The following TBL1X variants were observed in gnomAD, a reference collection of about 807,000 sequenced individuals.
TBL1X encodes transducin beta like 1 X-linked.
In TBL1X, 10 loss-of-function variants were observed where a neutral mutation model predicts 50.7. That is an observed-to-expected ratio of 0.20 (90% CI 0.12 to 0.33). The LOEUF is 0.33. TBL1X is among the 10% of genes least tolerant of loss of function. TBL1X has a pLI of 1.00. For missense variants in TBL1X, 340 were observed against 504.4 expected, an observed-to-expected ratio of 0.67 and a Z score of 3.12; for synonymous variants, 190 against 214.7, an observed-to-expected ratio of 0.88 and a Z score of 1.01.
chrX:9,594,864 G>C (rs2082519732), intron 2 of TBL1X, among the ~76,000 whole-genome samples: 1 of 111,741 alleles, frequency 8.9e-6, no homozygotes, highest in Non-Finnish European at 1.9e-5. Flanking sequence ...TTTCTCTCTT[G>C]AATTGTCGGT....
At chrX:9,490,092 A>C (rs1232294692) in intron 1 of TBL1X, among the ~76,000 whole-genome samples, 1 of 111,037 alleles carries the variant, frequency 9.0e-6, no homozygotes, top group East Asian at 2.8e-4. Flanking sequence ...CAGCCTCCCA[A>C]GTAGCTGGGA....
intron 2 of TBL1X, among the ~76,000 whole-genome samples, chrX:9,523,417 G>A (rs923739610): frequency 3.6e-5 from 4 of 111,445 alleles, no homozygotes; most frequent in Non-Finnish European, 7.6e-5. Flanking sequence ...CTGGGCCACC[G>A]TGGGCCAAGT....
Position 9,688,284 on chromosome X carries a change from A to G in TBL1X, c.616+9A>G. On this transcript the variant is annotated intron_variant, in intron 7 of 17. Coordinates refer to ENST00000645353, the MANE Select transcript of TBL1X (RefSeq NM_005647.4). Reference sequence around the variant, plus strand: ...CAGAGCACATTCAGTCAGTGAGTGCAGGGGCTCTGGGAGTTCGGTGGGCCT... The same window carrying G: ...CAGAGCACATTCAGTCAGTGAGTGCGGGGGCTCTGGGAGTTCGGTGGGCCT... 1 of 1,157,324 alleles carries G rather than the reference A, an allele frequency of 8.6e-7. No individual in the cohort carries two copies. The highest frequency in any genetic ancestry group is 2.0e-5 in the South Asian group (1 of 49,274).
At chrX:9,531,703 G>A (rs1351955939) in intron 2 of TBL1X, among the ~76,000 whole-genome samples, 3 of 109,121 alleles carry the variant, frequency 2.7e-5, no homozygotes, top group African/African-American at 1.0e-4. Flanking sequence ...CCAGGAGTTC[G>A]AGACCAGCCT....
chrX:9,676,363 C>T (rs369937677), intron 5 of TBL1X, among the ~76,000 whole-genome samples: 2 of 112,014 alleles, frequency 1.8e-5, no homozygotes, highest in African/African-American at 3.3e-5. Context: ...TGTCCTAGCC[C>T]GCCATTGCCC....
At chrX:9,700,900 C>G (rs1285474541) in intron 12 of TBL1X, among the ~76,000 whole-genome samples, 1 of 111,806 alleles carries the variant, frequency 8.9e-6, no homozygotes, top group Non-Finnish European at 1.9e-5. Flanking sequence ...AAGCCAGTCT[C>G]AGAAGGTTGC....
chrX:9,662,098 G>A (rs766274365), intron 5 of TBL1X, among the ~76,000 whole-genome samples: 19 of 111,479 alleles, frequency 1.7e-4, no homozygotes, highest in African/African-American at 6.2e-4. Context: ...GCTGTCAGTC[G>A]AGTGGGATTC....
At chrX:9,560,761 C>T (rs749110883) in intron 2 of TBL1X, among the ~76,000 whole-genome samples, 1 of 111,728 alleles carries the variant, frequency 9.0e-6, no homozygotes, top group African/African-American at 3.3e-5. Flanking sequence ...ATTGCGGGGC[C>T]ATTCATGAAG....
At chrX:9,527,519 T>C (rs1014165492) in intron 2 of TBL1X, among the ~76,000 whole-genome samples, 3 of 112,168 alleles carry the variant, frequency 2.7e-5, no homozygotes, top group Non-Finnish European at 5.6e-5. Flanking sequence ...ATTGGTGTCC[T>C]TGGGGTGGGG....
chrX:9,508,218 A>G (rs1005708117), intron 2 of TBL1X, among the ~76,000 whole-genome samples: 14 of 112,320 alleles, frequency 1.2e-4, no homozygotes, highest in Admixed American at 6.6e-4. Context: ...AATATCCAGA[A>G]TTTGCAAGGA....
At chrX:9,496,257 A>G (rs760743702) in intron 1 of TBL1X, among the ~76,000 whole-genome samples, 1 of 112,082 alleles carries the variant, frequency 8.9e-6, no homozygotes, top group East Asian at 2.8e-4. Flanking sequence ...TCCACACCAC[A>G]ATGCATAACT....
intron 2 of TBL1X, among the ~76,000 whole-genome samples, chrX:9,611,415 G>C (rs748771837): frequency 1.8e-5 from 2 of 112,390 alleles, no homozygotes; most frequent in South Asian, 7.4e-4. Flanking sequence ...ACGTGGCCAT[G>C]ATATTCCACT....
rs111882313 is a variant in TBL1X, at chrX:9,604,653, A to G, written c.-130-35620A>G. Among the ~76,000 whole-genome samples, 888 of 111,230 alleles carry G rather than the reference A, an allele frequency of 8.0e-3. 10 individuals are homozygous for G. The highest frequency in any genetic ancestry group is 0.027 in the African/African-American group (830 of 30,548). ...ACTGGGTGCGCGTGGGCTTCTCCAC[A>G]TGACAAGACGGGAATGCTGTGAAGG... On this transcript the variant is annotated intron_variant, in intron 2 of 17. Coordinates refer to ENST00000645353, the MANE Select transcript of TBL1X (RefSeq NM_005647.4).
chrX:9,510,299 C>T (rs780375877), intron 2 of TBL1X, among the ~76,000 whole-genome samples: 2 of 111,713 alleles, frequency 1.8e-5, no homozygotes, highest in Non-Finnish European at 3.8e-5. Context: ...GAAATTGTAT[C>T]CTGGGGTAAG....
At position 9,688,022 on chromosome X, in the gene TBL1X, C is replaced by T; in HGVS notation, c.363C>T (p.Gly121=). The part of the protein sequence containing the change: ...VEAEISINED[G]TVFDGRPIES... Reference sequence around the variant, plus strand: ...ACCTTGGCTTGCTTCCCCAGGATGGCACAGTGTTCGACGGCCGCCCCATAG... The same window carrying T: ...ACCTTGGCTTGCTTCCCCAGGATGGTACAGTGTTCGACGGCCGCCCCATAG... Residue 121 remains glycine (G), a synonymous_variant, in exon 7 of 18, where the codon GGC becomes GGT. Transcript: ENST00000645353. 4 of 1,204,402 alleles carry T rather than the reference C, an allele frequency of 3.3e-6. No homozygotes were observed. The highest frequency in any genetic ancestry group is 2.2e-6 in the Non-Finnish European group (2 of 891,451).
At chrX:9,540,116 G>T (rs1036391613) in intron 2 of TBL1X, among the ~76,000 whole-genome samples, 3 of 112,578 alleles carry the variant, frequency 2.7e-5, no homozygotes, top group African/African-American at 9.7e-5. Context: ...TGGGGACAGA[G>T]ATAATAGTAA....
At chrX:9,474,601 C>T (rs751666780) in intron 1 of TBL1X, among the ~76,000 whole-genome samples, 4 of 113,051 alleles carry the variant, frequency 3.5e-5, no homozygotes, top group African/African-American at 9.6e-5. Flanking sequence ...GCGCTTGTTT[C>T]GGAACTAGAT....
chrX:9,587,307 T>G (rs1329347773), intron 2 of TBL1X, among the ~76,000 whole-genome samples: 1 of 111,894 alleles, frequency 8.9e-6, no homozygotes, highest in Non-Finnish European at 1.9e-5. Flanking sequence ...GTGACTTCCA[T>G]GAAAACACCC....
chrX:9,496,874 T>C (rs911621490), intron 1 of TBL1X, among the ~76,000 whole-genome samples: 3 of 112,177 alleles, frequency 2.7e-5, no homozygotes, highest in Non-Finnish European at 5.6e-5. Context: ...TTTAAACTCA[T>C]GACCATGAGA....
Sources: gnomAD v4.1 joint callset for allele counts (sites outside exome capture counted in the v4.1 genomes callset) on GRCh38, gnomAD v4.1.1 for gene constraint, MANE v1.5 for transcripts, NCBI Gene and HGNC (gene_info 2026-07-23, HGNC 2026-07-21) for gene names.